The following EBF4 variants were observed in gnomAD, a reference collection of about 807,000 sequenced individuals.
The protein encoded by EBF4 is transcription factor COE4.
A neutral mutation model predicts 67.1 loss-of-function variants in EBF4; 34 were observed. That is an observed-to-expected ratio of 0.51 (90% confidence interval 0.39 to 0.67). EBF4 has a LOEUF of 0.67. Among genes scored for constraint, EBF4 ranks in the 30% least tolerant of loss-of-function variants. The pLI is 0.00. For missense variants in EBF4, 837 were observed against 873.3 expected (o/e 0.96, Z 0.52); for synonymous variants, 387 against 377.7 (o/e 1.02, Z -0.29).
At chr20:2,692,827 C>T (rs1443670714), upstream of EBF4, 1 of 158,482 alleles carries the variant, frequency 6.3e-6, no homozygotes, top group South Asian at 1.7e-4. This position sits in a 1 kb window ranked among gnomAD's most constrained non-coding sequence, Gnocchi z 6.4. Context: ...GCGGCGGCGG[C>T]GGCGGGATGG....
At chr20:2,734,373 A>T (rs1328412838) in intron 6 of EBF4, among the ~76,000 whole-genome samples, 2 of 152,210 alleles carry the variant, frequency 1.3e-5, no homozygotes, top group Admixed American at 1.3e-4. Context: ...ACACCACTGC[A>T]CTTCAGCCTG....
rs896775056 is a variant in EBF4 at position 2,693,727 on chromosome 20, G to T, written c.82G>T (p.Val28Leu). Residue 28 changes from valine to leucine, a missense_variant, in exon 1 of 17, where the codon GTG (valine) becomes TTG (leucine). Coordinates refer to ENST00000609451, the Ensembl canonical transcript of EBF4. The surrounding 1 kb of genome is among the most constrained non-coding windows in gnomAD (Gnocchi z 4.6). ...GCTGCTGCCCGCCGGCCTGGGCTCA[G>T]TGCGCTCCTGGATGCAGGGCGCGGG... The T allele has an allele frequency of 4.2e-5, 58 of 1,386,308 alleles. No homozygotes were observed. The highest frequency in any genetic ancestry group is 5.1e-5 in the Non-Finnish European group (55 of 1,076,718). 85.9% of individuals were successfully genotyped at this position (1,386,308 alleles called of 1,614,324 possible).
chr20:2,737,015 C>A (rs552384080), intron 6 of EBF4, among the ~76,000 whole-genome samples: 2 of 151,870 alleles, frequency 1.3e-5, no homozygotes, highest in South Asian at 2.1e-4. Flanking sequence ...TTTGGGAGGC[C>A]AAGGTGGGCA....
chr20:2,751,899 G>A lies in EBF4; in HGVS notation c.1108-23G>A, dbSNP rs762104164. On this transcript the variant is annotated intron_variant, in intron 11 of 16. Coordinates refer to ENST00000609451, the Ensembl canonical transcript of EBF4. This position sits in a 1 kb window ranked among gnomAD's most constrained non-coding sequence, Gnocchi z 5.2. ...CCCCCAGGGGCTGCCCCTCCGTCCCGCTGTCTCTCCCCCTGTCCCCAGGAA... is the reference window on the plus strand; with the variant it reads ...CCCCCAGGGGCTGCCCCTCCGTCCCACTGTCTCTCCCCCTGTCCCCAGGAA... 96 of 1,541,418 alleles carry A rather than the reference G, an allele frequency of 6.2e-5. No homozygotes were observed. Among genetic ancestry groups the A allele is most frequent in the Non-Finnish European group, 8.3e-5 (95 of 1,140,318 alleles).
Position 2,733,048 on chromosome 20 carries a change from C to T in EBF4, c.558-15501C>T, listed in dbSNP as rs751652424. 7.2e-5 allele frequency among the ~76,000 whole-genome samples: 11 copies of T among 152,200 alleles called. 1 individual carries two copies. In the Middle Eastern group the frequency reaches 0.01, roughly 141 times the overall value. On this transcript the variant is annotated intron_variant, in intron 6 of 16. Transcript: ENST00000609451. ...TGTTTCATTTCAGACTGAAGGACTC[C>T]CTTTAGTATTTCTTGTAGGACAAAC...
rs1447075008 is a variant in EBF4, at chr20:2,713,625, G to A, written c.557+3983G>A. 2.0e-5 allele frequency among the ~76,000 whole-genome samples: 3 copies of A among 152,180 alleles called. No individual in the cohort carries two copies. In the East Asian group the frequency reaches 5.8e-4, roughly 29 times the overall value. On this transcript the variant is annotated intron_variant, in intron 6 of 16. Coordinates refer to ENST00000609451, the Ensembl canonical transcript of EBF4. ...AGGTGAGTGGTTGCATAAAACCAGA[G>A]TTAGAGGTTTGTCAGTTGAGTAGAA...
chr20:2,717,113 A>T (rs780168226), intron 6 of EBF4, among the ~76,000 whole-genome samples: 4 of 152,158 alleles, frequency 2.6e-5, no homozygotes, highest in South Asian at 2.1e-4. Flanking sequence ...ATTTTTGTAG[A>T]TCTTCTTTAA....
At chr20:2,713,540 C>T (rs1446001822) in intron 6 of EBF4, among the ~76,000 whole-genome samples, 2 of 152,100 alleles carry the variant, frequency 1.3e-5, no homozygotes, top group Admixed American at 1.3e-4. Flanking sequence ...CGTTTATGAT[C>T]ATAAATTTGG....
chr20:2,737,692 C>T (rs545308374), intron 6 of EBF4, among the ~76,000 whole-genome samples: 31 of 151,848 alleles, frequency 2.0e-4, no homozygotes, highest in Non-Finnish European at 2.4e-4. Context: ...AAGTTCAGGC[C>T]GGGCGCAGTG....
At chr20:2,743,496 T>C (rs2087998728) in intron 6 of EBF4, among the ~76,000 whole-genome samples, 1 of 152,208 alleles carries the variant, frequency 6.6e-6, no homozygotes, top group African/African-American at 2.4e-5. Context: ...TGAGCATGTA[T>C]CAAAGTTTTC....
chr20:2,710,582 A>G (rs1415388423), intron 6 of EBF4, among the ~76,000 whole-genome samples: 28 of 151,736 alleles, frequency 1.8e-4, no homozygotes, highest in Admixed American at 1.6e-3. Context: ...TTTTGGTAAC[A>G]ATATATTTTA....
intron 6 of EBF4, among the ~76,000 whole-genome samples, chr20:2,748,134 G>T (rs1046596128): frequency 2.6e-5 from 4 of 152,114 alleles, no homozygotes; most frequent in Admixed American, 6.6e-5. Flanking sequence ...ATTACATGGG[G>T]TATGTGTGCG....
intron 1 of EBF4, among the ~76,000 whole-genome samples, chr20:2,697,556 GA>G (rs1295348667): frequency 6.8e-6 from 1 of 146,152 alleles, no homozygotes; most frequent in African/African-American, 2.5e-5. Context: ...AAAAAAAAAA[GA>G]AAGAAAGAAA....
Position 2,705,752 on chromosome 20 carries a change from T to A in EBF4, c.294+19T>A. ...GGACCGAGTGAGAGGCTCATGGGCT[T>A]GGCTGGGACTGGCCCCGGGAGGGAA... On this transcript the variant is annotated intron_variant, in intron 2 of 16. Coordinates refer to ENST00000609451, the Ensembl canonical transcript of EBF4. 6.5e-7 allele frequency: 1 copy of A among 1,539,532 alleles called. No individual in the cohort carries two copies.
At position 2,751,997 on chromosome 20, in the gene EBF4, C is replaced by A; in HGVS notation, c.1173+10C>A. On this transcript the variant is annotated intron_variant, in intron 12 of 16. Transcript: ENST00000609451. This position sits in a 1 kb window ranked among gnomAD's most constrained non-coding sequence, Gnocchi z 5.2. ...GCCCGGCAGTAACCAGGTATGGCGC[C>A]TCCGCCCTCCCAGCGCCGCCGGGAC... 1.9e-6 allele frequency: 3 copies of A among 1,540,458 alleles called. No individual in the cohort carries two copies. The highest frequency in any genetic ancestry group is 2.6e-6 in the Non-Finnish European group (3 of 1,143,214).
chr20:2,718,184 T>C (rs1226093797), intron 6 of EBF4, among the ~76,000 whole-genome samples: 4 of 152,230 alleles, frequency 2.6e-5, no homozygotes, highest in African/African-American at 9.6e-5. Flanking sequence ...TTAAATATAC[T>C]GTTTGATTCT....
chr20:2,758,529 G>C (rs955915171), intron 15 of EBF4, among the ~76,000 whole-genome samples: 2 of 152,222 alleles, frequency 1.3e-5, no homozygotes, highest in Non-Finnish European at 2.9e-5. Context: ...GTAGGTGTGG[G>C]AGGCACAGAG....
chr20:2,719,612 C>T (rs2146419527), intron 6 of EBF4, among the ~76,000 whole-genome samples: 1 of 152,246 alleles, frequency 6.6e-6, no homozygotes, highest in Non-Finnish European at 1.5e-5. Context: ...ACCATGTTTT[C>T]CATGCTGGTC....
In EBF4 at chr20:2,744,688, C is replaced by T. The variant is rs555968288; in HGVS notation, c.558-3861C>T. Among the ~76,000 whole-genome samples the T allele has an allele frequency of 1.1e-4, 16 of 151,698 alleles. No individual in the cohort carries two copies. In the South Asian group the frequency reaches 1.9e-3, roughly 18 times the overall value. ...TATATTTTTAATAGAGATGGAGTTT[C>T]GCAGCATTGGGCAGGCTAGTCTCAA... On this transcript the variant is annotated intron_variant, in intron 6 of 16. Transcript: ENST00000609451.
Sources: gnomAD v4.1 joint callset for allele counts (sites outside exome capture counted in the v4.1 genomes callset) on GRCh38, gnomAD v4.1.1 for gene constraint, Gnocchi (gnomAD v3.1) non-coding constraint, MANE v1.5 for transcripts, NCBI Gene and HGNC (gene_info 2026-07-23, HGNC 2026-07-21) for gene names.